Variants in SUCLG2 observed in about 807,000 individuals in gnomAD.
SUCLG2 encodes succinate--CoA ligase [GDP-forming] subunit beta, mitochondrial.
A neutral mutation model predicts 47.9 loss-of-function variants in SUCLG2; 42 were observed. The observed-to-expected ratio is 0.88, with a 90% CI of 0.69 to 1.14. The LOEUF is 1.14. Ranked by LOEUF, SUCLG2 falls within the 50% of genes most tolerant of loss-of-function variation. The pLI is 0.00. For synonymous variants in SUCLG2, 195 were observed against 197.3 expected, an observed-to-expected ratio of 0.99 and a Z score of 0.10; for missense variants, 571 against 525.9, an observed-to-expected ratio of 1.09 and a Z score of -0.84.
chr3:67,499,185 T>C (rs113575940), intron 7 of SUCLG2, among the ~76,000 whole-genome samples: 12,085 of 119,482 alleles, frequency 0.1, 677 homozygotes, highest in Middle Eastern at 0.18. Context: ...AACACATCCA[T>C]CTTCTCATAT....
chr3:67,571,181 A>G (rs1707597283), intron 2 of SUCLG2, among the ~76,000 whole-genome samples: 1 of 152,132 alleles, frequency 6.6e-6, no homozygotes, highest in Admixed American at 6.5e-5. Context: ...CCCCCACAGA[A>G]GAGAACATTT....
chr3:67,454,405 T>TAAAAA (rs199930632), intron 9 of SUCLG2, among the ~76,000 whole-genome samples: 1 of 14,982 alleles, frequency 6.7e-5, no homozygotes, highest in Admixed American at 6.3e-4. Flanking sequence ...ATCAAATATA[T>TAAAAA]AAAAAAAAAA....
chr3:67,606,197 C>A lies in SUCLG2; in HGVS notation c.226+3258G>T, dbSNP rs148700599. Reference sequence around the variant, plus strand: ...TCCAGACTGGGTGACAGAGTGAGACCCTGTCTCTAAAAGAAGTAAAAAATA... The same window carrying A: ...TCCAGACTGGGTGACAGAGTGAGACACTGTCTCTAAAAGAAGTAAAAAATA... On this transcript the variant is annotated intron_variant, in intron 2 of 10. Transcript: ENST00000307227. Among the ~76,000 whole-genome samples the A allele has an allele frequency of 4.9e-3, 742 of 152,062 alleles. 8 individuals are homozygous for A. The highest frequency in any genetic ancestry group is 0.017 in the African/African-American group (707 of 41,474).
At position 67,456,981 on chromosome 3, in the gene SUCLG2, C is replaced by T. The variant is rs560361804; in HGVS notation, c.1062+38817G>A. Among the ~76,000 whole-genome samples, 7 of 152,206 alleles carry T rather than the reference C, an allele frequency of 4.6e-5. 1 individual carries two copies. The East Asian group carries it at 9.7e-4, about 21-fold the overall frequency. ...TTTTGAAAATTTTAAATTATGAATG[C>T]ATAATTTTTGTAATTAGACAGATAA... is the stretch of plus-strand genomic sequence containing the variant. On this transcript the variant is annotated intron_variant, in intron 9 of 10. Coordinates refer to ENST00000307227, the MANE Select transcript of SUCLG2 (RefSeq NM_003848.4).
At chr3:67,594,575 T>G (rs987846182) in intron 2 of SUCLG2, among the ~76,000 whole-genome samples, 1 of 152,330 alleles carries the variant, frequency 6.6e-6, no homozygotes, top group East Asian at 1.9e-4. Context: ...TGTGTATTTC[T>G]GTCACAGTAT....
chr3:67,389,981 T>G (rs986117828), intron 10 of SUCLG2, among the ~76,000 whole-genome samples: 7 of 152,188 alleles, frequency 4.6e-5, no homozygotes, highest in African/African-American at 1.7e-4. Context: ...CAAAGCCAAG[T>G]GACACTAAAA....
intron 1 of SUCLG2, among the ~76,000 whole-genome samples, chr3:67,622,356 C>A (rs1207661936): frequency 6.6e-6 from 1 of 152,102 alleles, no homozygotes; most frequent in Non-Finnish European, 1.5e-5. Flanking sequence ...ATATCAAAAC[C>A]ATTTGGAAGG....
At chr3:67,598,861 C>T (rs996678321) in intron 2 of SUCLG2, among the ~76,000 whole-genome samples, 14 of 152,258 alleles carry the variant, frequency 9.2e-5, no homozygotes, top group South Asian at 4.1e-4. Flanking sequence ...ATGGAGCCTT[C>T]GAGAAGTTAC....
rs190870790 is a variant in SUCLG2 at position 67,581,537 on chromosome 3, T to C, written c.226+27918A>G. Among the ~76,000 whole-genome samples the C allele has an allele frequency of 3.7e-4, 57 of 152,348 alleles. No individual in the cohort carries two copies. The Middle Eastern group carries it at 0.01, about 27-fold the overall frequency. On this transcript the variant is annotated intron_variant, in intron 2 of 10. Coordinates refer to ENST00000307227, the MANE Select transcript of SUCLG2 (RefSeq NM_003848.4). ...ATTCTTTGCTTTAATTCAATCAGTA[T>C]TTACTGAGCACTTTCCTGTTGCAAG...
At chr3:67,542,593 G>A (rs1428432560) in intron 2 of SUCLG2, among the ~76,000 whole-genome samples, 7 of 151,926 alleles carry the variant, frequency 4.6e-5, no homozygotes, top group East Asian at 1.9e-4. Context: ...CCCGTCTCAC[G>A]TGCAAATAGG....
At chr3:67,627,554 G>A (rs761419196) in intron 1 of SUCLG2, among the ~76,000 whole-genome samples, 1 of 152,206 alleles carries the variant, frequency 6.6e-6, no homozygotes, top group African/African-American at 2.4e-5. Flanking sequence ...CTCCTTTCTA[G>A]GTGTTCATTG....
rs537249942 is a variant in SUCLG2, at chr3:67,360,808, G to C, written c.1184-40C>G. Reference sequence around the variant, plus strand: ...AGATTCTTGTAATGAGTTTTTTCTTGCAATATATTTAGATGAACAACAACA... The same window carrying C: ...AGATTCTTGTAATGAGTTTTTTCTTCCAATATATTTAGATGAACAACAACA... On this transcript the variant is annotated intron_variant, in intron 10 of 10. Coordinates refer to the SUCLG2 transcript ENST00000493112. 9 of 1,460,552 alleles carry C rather than the reference G, an allele frequency of 6.2e-6. No homozygotes were observed. The Admixed American group carries it at 1.4e-4, about 22-fold the overall frequency. 90.5% of individuals were successfully genotyped at this position (1,460,552 alleles called of 1,614,324 possible).
intron 7 of SUCLG2, among the ~76,000 whole-genome samples, chr3:67,499,486 T>C (rs1252331461): frequency 6.6e-6 from 1 of 152,130 alleles, no homozygotes; most frequent in Non-Finnish European, 1.5e-5. Context: ...CAATTGTCTC[T>C]AGTTTCTGGA....
At chr3:67,462,972 CTGTGTTGACTAT>C (rs1166292018) in intron 9 of SUCLG2, among the ~76,000 whole-genome samples, 9 of 152,230 alleles carry the variant, frequency 5.9e-5, no homozygotes, top group Non-Finnish European at 1.5e-5. Context: ...CAGAAGTCTT[CTGTGTTGACTAT>C]TGTGGTGTGA....
chr3:67,514,046 G>A (rs913231001), intron 6 of SUCLG2: 15 of 356,746 alleles, frequency 4.2e-5, no homozygotes, highest in South Asian at 1.4e-4. Context: ...CAAGCCGAGC[G>A]GTTGGCCATA....
chr3:67,402,753 T>C (rs953026698), intron 9 of SUCLG2, among the ~76,000 whole-genome samples: 9 of 152,244 alleles, frequency 5.9e-5, no homozygotes, highest in African/African-American at 2.2e-4. Flanking sequence ...CCTGCATGCC[T>C]CTGCCATGTT....
chr3:67,365,247 A>G (rs1476471807), intron 10 of SUCLG2, among the ~76,000 whole-genome samples: 1 of 152,222 alleles, frequency 6.6e-6, no homozygotes, highest in Non-Finnish European at 1.5e-5. Context: ...AAGATATAAT[A>G]GTTGAAAATT....
chr3:67,543,770 C>G (rs964519401), intron 2 of SUCLG2, among the ~76,000 whole-genome samples: 23 of 152,260 alleles, frequency 1.5e-4, no homozygotes, highest in African/African-American at 5.5e-4. Context: ...TCTATGTTGA[C>G]TTAATTATTT....
At chr3:67,543,802 T>C (rs948836141) in intron 2 of SUCLG2, among the ~76,000 whole-genome samples, 1 of 151,564 alleles carries the variant, frequency 6.6e-6, no homozygotes, top group Non-Finnish European at 1.5e-5. Context: ...GTCAGAAAAA[T>C]AAAAAGAGTT....
Sources: gnomAD v4.1 joint callset for allele counts (sites outside exome capture counted in the v4.1 genomes callset) on GRCh38, gnomAD v4.1.1 for gene constraint, MANE v1.5 for transcripts, NCBI Gene and HGNC (gene_info 2026-07-23, HGNC 2026-07-21) for gene names.